Variants in TTC27 observed in about 807,000 individuals in gnomAD.
The protein encoded by TTC27 is tetratricopeptide repeat domain 27.
In TTC27, 79 loss-of-function variants were observed where a neutral mutation model predicts 115.9. That is an observed-to-expected ratio of 0.68 (90% CI 0.57 to 0.82). The LOEUF (loss-of-function observed/expected upper bound fraction) is 0.82, where lower values mean the gene tolerates loss of function less well. Among genes scored for constraint, TTC27 ranks in the 40% least tolerant of loss-of-function variants. TTC27 has a pLI of 0.00. For synonymous variants in TTC27, 401 were observed against 356.0 expected (o/e 1.13, Z -1.42); for missense variants, 1,054 against 993.1 (o/e 1.06, Z -0.82).
At chr2:32,636,657 C>T (rs1664440225) in intron 3 of TTC27, among the ~76,000 whole-genome samples, 1 of 152,134 alleles carries the variant, frequency 6.6e-6, no homozygotes. Context: ...GTTCCAAATC[C>T]AGTACTCTTC....
At chr2:32,700,033 C>A (rs1034721432) in intron 9 of TTC27, among the ~76,000 whole-genome samples, 5 of 152,128 alleles carry the variant, frequency 3.3e-5, no homozygotes, top group African/African-American at 1.2e-4. Flanking sequence ...GTGCACTGCA[C>A]CATTGTTGCT....
chr2:32,682,851 T>TTTTTTTTTTTG (rs1666486920), intron 9 of TTC27, among the ~76,000 whole-genome samples: 2 of 107,314 alleles, frequency 1.9e-5, no homozygotes, highest in African/African-American at 7.6e-5. Context: ...ATTGTTGTTT[T>TTTTTTTTTTTG]TTTTTTTTTT....
At chr2:32,668,892 A>T (rs1255784821) in intron 7 of TTC27, among the ~76,000 whole-genome samples, 1 of 151,980 alleles carries the variant, frequency 6.6e-6, no homozygotes, top group Non-Finnish European at 1.5e-5. Flanking sequence ...ATCCTGGCTA[A>T]CACAGTGAAA....
intron 12 of TTC27, among the ~76,000 whole-genome samples, chr2:32,744,628 T>C (rs893871135): frequency 1.5e-4 from 23 of 152,248 alleles, no homozygotes; most frequent in African/African-American, 5.3e-4. Context: ...TAGGGCTTAC[T>C]GCTTCTTTCA....
chr2:32,792,293 G>T (rs976638833), intron 16 of TTC27, among the ~76,000 whole-genome samples: 2 of 152,160 alleles, frequency 1.3e-5, no homozygotes, highest in Non-Finnish European at 2.9e-5. Context: ...GAAGAGGAGA[G>T]AATGGATATA....
At chr2:32,752,222 A>C (rs2147985406) in intron 12 of TTC27, among the ~76,000 whole-genome samples, 1 of 152,316 alleles carries the variant, frequency 6.6e-6, no homozygotes, top group South Asian at 2.1e-4. Flanking sequence ...CTACCATAGC[A>C]CTTTTCAAAA....
chr2:32,784,153 C>G (rs879408969), intron 15 of TTC27, among the ~76,000 whole-genome samples: 1 of 152,116 alleles, frequency 6.6e-6, no homozygotes. Context: ...TCTGGCAACC[C>G]GGATAAGTTT....
intron 9 of TTC27, among the ~76,000 whole-genome samples, chr2:32,690,219 A>G (rs1279475215): frequency 6.6e-6 from 1 of 152,214 alleles, no homozygotes; most frequent in African/African-American, 2.4e-5. Flanking sequence ...AAGCCAAGTG[A>G]CCAACAGATT....
In TTC27 at chr2:32,681,968, A is replaced by G. The variant is rs957664520; in HGVS notation, c.1119+3046A>G. Among the ~76,000 whole-genome samples, 52 of 129,252 alleles carry G rather than the reference A, an allele frequency of 4.0e-4. 1 individual carries two copies. The highest frequency in any genetic ancestry group is 6.1e-4 in the Non-Finnish European group (38 of 61,888). 84.8% of individuals were successfully genotyped at this position (129,252 alleles called of 152,430 possible). On this transcript the variant is annotated intron_variant, in intron 9 of 19. Coordinates refer to ENST00000317907, the MANE Select transcript of TTC27 (RefSeq NM_017735.5). ...TGGCTTATATTATAATTATTTATAT[A>G]TATGTATATATATGTGTGTGTGTGT... is the stretch of plus-strand genomic sequence containing the variant.
intron 12 of TTC27, among the ~76,000 whole-genome samples, chr2:32,755,339 G>A (rs752890888): frequency 3.7e-4 from 56 of 152,186 alleles, no homozygotes; most frequent in Non-Finnish European, 6.3e-4. Context: ...CCGGCACCTC[G>A]GGAGGCCAAG....
At chr2:32,782,995 T>G (rs577891948) in intron 15 of TTC27, among the ~76,000 whole-genome samples, 2 of 152,364 alleles carry the variant, frequency 1.3e-5, no homozygotes, top group African/African-American at 4.8e-5. Context: ...GTCAACTCAG[T>G]TGACAGTTAT....
chr2:32,677,242 A>G (rs1435905676), intron 8 of TTC27, among the ~76,000 whole-genome samples: 1 of 152,116 alleles, frequency 6.6e-6, no homozygotes, highest in Non-Finnish European at 1.5e-5. Flanking sequence ...GCAGTATAGC[A>G]TTCTGTTGGA....
intron 12 of TTC27, among the ~76,000 whole-genome samples, chr2:32,746,415 T>C (rs1668828584): frequency 6.6e-6 from 1 of 151,744 alleles, no homozygotes; most frequent in South Asian, 2.1e-4. Context: ...TACAAAAAAT[T>C]AGCCGGGCGT....
At chr2:32,761,344 C>T (rs186869722) in intron 13 of TTC27, among the ~76,000 whole-genome samples, 1 of 152,298 alleles carries the variant, frequency 6.6e-6, no homozygotes. Context: ...TCCAAATCCC[C>T]ATTGTCTTGC....
intron 12 of TTC27, among the ~76,000 whole-genome samples, chr2:32,741,683 A>AAC (rs746785674): frequency 2.2e-5 from 3 of 135,406 alleles, no homozygotes. Flanking sequence ...CAACAACAAC[A>AAC]AAAAAACAGC....
At chr2:32,785,189 A>T (rs1335848511) in intron 15 of TTC27, among the ~76,000 whole-genome samples, 3 of 152,220 alleles carry the variant, frequency 2.0e-5, no homozygotes, top group African/African-American at 7.2e-5. Context: ...CTTACTGCTG[A>T]TGAAATAAAC....
At chr2:32,797,957 G>T (rs1200949807) in intron 16 of TTC27, among the ~76,000 whole-genome samples, 4 of 151,992 alleles carry the variant, frequency 2.6e-5, no homozygotes, top group Admixed American at 2.0e-4. Flanking sequence ...ATGTGCAAAG[G>T]AGTTGAATAG....
At chr2:32,797,614 A>C (rs1279773461) in intron 16 of TTC27, among the ~76,000 whole-genome samples, 5 of 152,188 alleles carry the variant, frequency 3.3e-5, no homozygotes, top group African/African-American at 1.2e-4. Context: ...GCTAACTCAA[A>C]ATGAATCAAA....
intron 9 of TTC27, among the ~76,000 whole-genome samples, chr2:32,698,978 A>G (rs1667093570): frequency 1.3e-5 from 2 of 152,178 alleles, no homozygotes; most frequent in South Asian, 4.1e-4. Context: ...GCCCCAAAAA[A>G]GAATCTATTA....
Sources: allele counts gnomAD v4.1 joint callset (sites outside exome capture counted in the v4.1 genomes callset), GRCh38; gene constraint gnomAD v4.1.1; transcripts MANE v1.5; gene names NCBI Gene and HGNC (gene_info 2026-07-23, HGNC 2026-07-21).